ASH1L: variants seen among roughly 807,000 people sequenced by gnomAD.
ASH1L encodes the protein ASH1 like histone lysine methyltransferase, also known as histone-lysine N-methyltransferase ASH1L.
In ASH1L, 23 loss-of-function variants were observed where a neutral mutation model predicts 269.0. The ratio of observed to expected loss-of-function variants is 0.09; its 90% CI spans 0.06 to 0.12. ASH1L has a LOEUF of 0.12. ASH1L is among the 10% of genes least tolerant of loss of function. The pLI is 1.00. For missense variants in ASH1L, 2,912 were observed against 3,567.8 expected (o/e 0.82, Z 4.68); for synonymous variants, 1,187 against 1,253.5 (o/e 0.95, Z 1.12).
intron 17 of ASH1L, among the ~76,000 whole-genome samples, chr1:155,349,963 C>T (rs551123109): frequency 6.7e-6 from 1 of 149,346 alleles, no homozygotes; most frequent in East Asian, 2.0e-4. Flanking sequence ...GATCTTTGCT[C>T]ACTGCAAGCT....
intron 2 of ASH1L, among the ~76,000 whole-genome samples, chr1:155,497,669 G>A (rs971346638): frequency 1.3e-5 from 2 of 152,096 alleles, no homozygotes; most frequent in African/African-American, 2.4e-5. Flanking sequence ...TGTGTGTGGA[G>A]TTGGTGCCCA....
At chr1:155,512,310 G>A (rs1473138108) in intron 2 of ASH1L, among the ~76,000 whole-genome samples, 3 of 151,738 alleles carry the variant, frequency 2.0e-5, no homozygotes, top group Admixed American at 6.6e-5. Context: ...CCAGCTACTC[G>A]GGAGGCTGAG....
At chr1:155,421,961 C>T (rs1035637144) in intron 5 of ASH1L, among the ~76,000 whole-genome samples, 6 of 152,144 alleles carry the variant, frequency 3.9e-5, no homozygotes, top group African/African-American at 1.2e-4. Context: ...TCCATCTCCA[C>T]ATCTTTTTCA....
At chr1:155,371,527 GAC>G (rs1655942254) in intron 10 of ASH1L, among the ~76,000 whole-genome samples, 1 of 151,998 alleles carries the variant, frequency 6.6e-6, no homozygotes, top group Non-Finnish European at 1.5e-5. Context: ...CAGCCTGGGC[GAC>G]AGAGTGAGAC....
intron 6 of ASH1L, among the ~76,000 whole-genome samples, chr1:155,412,739 G>T (rs1463115982): frequency 3.3e-5 from 5 of 152,094 alleles, no homozygotes; most frequent in Admixed American, 2.0e-4. Flanking sequence ...TAAAGGGAGG[G>T]TGGCGGTCTT....
At chr1:155,394,109 T>C (rs1367928108) in intron 7 of ASH1L, among the ~76,000 whole-genome samples, 1 of 152,178 alleles carries the variant, frequency 6.6e-6, no homozygotes, top group African/African-American at 2.4e-5. Context: ...AAGCTGATAC[T>C]AACATTAAGA....
intron 1 of ASH1L, among the ~76,000 whole-genome samples, chr1:155,555,137 G>A (rs1214483892): frequency 3.3e-5 from 4 of 120,172 alleles, no homozygotes; most frequent in East Asian, 2.2e-4. Context: ...GTGAGAAACC[G>A]TCTCAAAAAA....
At chr1:155,421,072 G>A (rs1050431185) in intron 5 of ASH1L, among the ~76,000 whole-genome samples, 7 of 150,804 alleles carry the variant, frequency 4.6e-5, no homozygotes, top group Non-Finnish European at 8.9e-5. Context: ...CCCCATCTTT[G>A]CAAAAAATTT....
chr1:155,507,887 T>TA (rs1406532403), intron 2 of ASH1L, among the ~76,000 whole-genome samples: 1 of 152,098 alleles, frequency 6.6e-6, no homozygotes, highest in Non-Finnish European at 1.5e-5. Flanking sequence ...CCGTGTCTCT[T>TA]AAAAAATGTT....
At chr1:155,355,674 T>C (rs896845625) in intron 15 of ASH1L, among the ~76,000 whole-genome samples, 1 of 152,166 alleles carries the variant, frequency 6.6e-6, no homozygotes, top group Non-Finnish European at 1.5e-5. Flanking sequence ...GCAGCCAAAG[T>C]AGAGAACCAC....
chr1:155,426,275 GC>G (rs1436659390), intron 5 of ASH1L, among the ~76,000 whole-genome samples: 2 of 151,426 alleles, frequency 1.3e-5, no homozygotes, highest in African/African-American at 2.4e-5. Context: ...TCACCATGTT[GC>G]CCAGGCTGGT....
chr1:155,402,317 A>T (rs924777690), intron 6 of ASH1L, among the ~76,000 whole-genome samples: 5 of 152,146 alleles, frequency 3.3e-5, no homozygotes, highest in African/African-American at 1.2e-4. Flanking sequence ...TTTTTTCATA[A>T]TGTCACCTTT....
At chr1:155,377,905 G>T (rs547623221) in intron 10 of ASH1L, among the ~76,000 whole-genome samples, 49 of 151,996 alleles carry the variant, frequency 3.2e-4, no homozygotes, top group African/African-American at 1.2e-3. Flanking sequence ...TGCCTGCAGT[G>T]CTGGCTACCA....
chr1:155,443,375 T>A (rs912469719), intron 4 of ASH1L, among the ~76,000 whole-genome samples: 5 of 152,360 alleles, frequency 3.3e-5, no homozygotes, highest in African/African-American at 1.2e-4. Flanking sequence ...TTATGTTTCT[T>A]GGTAGTCTAG....
Position 155,532,965 on chromosome 1 carries a change from G to GGAGA in ASH1L, c.-99-11351_-99-11348dup, listed in dbSNP as rs10679513. On this transcript the variant is annotated intron_variant, in intron 1 of 27. Coordinates refer to ENST00000392403, the MANE Select transcript of ASH1L (RefSeq NM_018489.3). ...TGTGTGTGTGTATATATATATGGGG[G>GGAGA]GAGAGAGAGAGAGAGAGAGTGTGTG... 1.8e-3 allele frequency among the ~76,000 whole-genome samples: 261 copies of GGAGA among 141,994 alleles called. 1 individual carries two copies. Among genetic ancestry groups the GGAGA allele is most frequent in the South Asian group, 8.1e-3 (36 of 4,424 alleles). 93.2% of individuals were successfully genotyped at this position (141,994 alleles called of 152,430 possible).
intron 4 of ASH1L, among the ~76,000 whole-genome samples, chr1:155,453,963 G>A (rs1429694741): frequency 1.3e-5 from 2 of 152,062 alleles, no homozygotes; most frequent in African/African-American, 4.8e-5. Context: ...AAATTAGCGG[G>A]GCGTGGTGGC....
chr1:155,541,228 G>C (rs1022861065), intron 1 of ASH1L, among the ~76,000 whole-genome samples: 4 of 152,034 alleles, frequency 2.6e-5, no homozygotes, highest in Admixed American at 1.3e-4. Context: ...AATATCTATT[G>C]AATGAGTAAA....
At chr1:155,468,699 T>A (rs917452517) in intron 3 of ASH1L, among the ~76,000 whole-genome samples, 35 of 152,306 alleles carry the variant, frequency 2.3e-4, no homozygotes, top group Non-Finnish European at 3.8e-4. Context: ...ATACCTATTA[T>A]ACAGTAGGTA....
At chr1:155,562,982 G>A (rs1477250000), upstream of ASH1L, 5 of 457,966 alleles carry the variant, frequency 1.1e-5, no homozygotes, top group Admixed American at 1.2e-4. Context: ...CGGCTGCAGG[G>A]GCAGGAGAGG....
Sources: gnomAD v4.1 joint callset for allele counts (sites outside exome capture counted in the v4.1 genomes callset) on GRCh38, gnomAD v4.1.1 for gene constraint, MANE v1.5 for transcripts, NCBI Gene and HGNC (gene_info 2026-07-23, HGNC 2026-07-21) for gene names.